The following KIAA0040 variants were observed in gnomAD, a reference collection of about 807,000 sequenced individuals.
KIAA0040 encodes KIAA0040, also known as uncharacterized protein KIAA0040.
Under a neutral mutation model 7.2 loss-of-function variants are expected in KIAA0040, and 10 were observed. The ratio of observed to expected loss-of-function variants is 1.38; its 90% CI spans 0.85 to 2.34. The LOEUF (loss-of-function observed/expected upper bound fraction) is 2.34. Ranked by LOEUF, KIAA0040 falls within the 30% of genes most tolerant of loss-of-function variation. The probability of loss-of-function intolerance (pLI) is 0.00; values close to 1 mark genes in which losing one functional copy is unlikely to be tolerated. For synonymous variants in KIAA0040, 49 were observed against 40.1 expected, an observed-to-expected ratio of 1.22 and a Z score of -0.84; for missense variants, 89 against 108.2, an observed-to-expected ratio of 0.82 and a Z score of 0.79.
chr1:175,171,638 T>C (rs969772245), intron 2 of KIAA0040, among the ~76,000 whole-genome samples: 5 of 152,126 alleles, frequency 3.3e-5, no homozygotes, highest in African/African-American at 4.8e-5. Flanking sequence ...GGAGAAATAA[T>C]GATCAAGAAA....
At chr1:175,177,302 A>G (rs1472191394) in intron 2 of KIAA0040, among the ~76,000 whole-genome samples, 2 of 152,236 alleles carry the variant, frequency 1.3e-5, no homozygotes, top group African/African-American at 4.8e-5. Context: ...GAATGCTTTG[A>G]TAGAGCAAGA....
rs1196694927 is a variant in KIAA0040 at position 175,157,431 on chromosome 1, ATTTG to A, written c.*3279_*3282del. ...GGCGGTGACCAGGGAGGGCTGGGAC[ATTTG>A]TGTCACAGAAAGAGTCCCTGCATTG... On this transcript the variant is annotated 3_prime_UTR_variant, in exon 4 of 4. Coordinates refer to ENST00000423313, the MANE Select transcript of KIAA0040 (RefSeq NM_014656.3). 1 of 152,204 alleles carries A rather than the reference ATTTG, an allele frequency of 6.6e-6. No individual in the cohort carries two copies. The highest frequency in any genetic ancestry group is 1.5e-5 in the Non-Finnish European group (1 of 68,054). 9.4% of individuals were successfully genotyped at this position (152,204 alleles called of 1,614,324 possible).
rs575566404 is a variant in KIAA0040 at position 175,182,190 on chromosome 1, G to T, written c.-383-4506C>A. Among the ~76,000 whole-genome samples, 10 of 152,332 alleles carry T rather than the reference G, an allele frequency of 6.6e-5. No individual in the cohort carries two copies. The East Asian group carries it at 1.7e-3, about 26-fold the overall frequency. The stretch of plus-strand genomic sequence containing the variant: ...CATATTGGGCTTAAGGACATTGGGG[G>T]CTACAATTTCAAATTGTTTTCACAT... On this transcript the variant is annotated intron_variant, in intron 1 of 3. Transcript: ENST00000423313.
chr1:175,166,064 T>G (rs1268324977), intron 3 of KIAA0040, among the ~76,000 whole-genome samples: 1 of 152,090 alleles, frequency 6.6e-6, no homozygotes. Context: ...TCACCACCCT[T>G]CTTGTAGGGG....
chr1:175,177,161 C>T (rs1363978359), intron 2 of KIAA0040, among the ~76,000 whole-genome samples: 3 of 152,224 alleles, frequency 2.0e-5, no homozygotes, highest in Non-Finnish European at 4.4e-5. Flanking sequence ...CATGATGTGG[C>T]CTCAGGGCTG....
intron 1 of KIAA0040, among the ~76,000 whole-genome samples, chr1:175,185,669 C>G (rs1480622028): frequency 6.6e-6 from 1 of 152,158 alleles, no homozygotes; most frequent in African/African-American, 2.4e-5. Flanking sequence ...GGTAGAATTA[C>G]CATATGATCC....
At chr1:175,176,862 G>T (rs376826624) in intron 2 of KIAA0040, among the ~76,000 whole-genome samples, 1 of 151,880 alleles carries the variant, frequency 6.6e-6, no homozygotes, top group African/African-American at 2.4e-5. Flanking sequence ...TCCTTGAAAT[G>T]CCCTTCCCAA....
rs1012150519 is a variant in KIAA0040, at chr1:175,159,474, A to G, written c.*1240T>C. 6.6e-6 allele frequency: 1 copy of G among 152,286 alleles called. No individual in the cohort carries two copies. Among genetic ancestry groups the G allele is most frequent in the Non-Finnish European group, 1.5e-5 (1 of 68,042 alleles). 9.4% of individuals were successfully genotyped at this position (152,286 alleles called of 1,614,324 possible). A position where few individuals can be genotyped will look rare whatever the true frequency, so the allele number is the denominator to read the frequency against. On this transcript the variant is annotated 3_prime_UTR_variant, in exon 4 of 4. Coordinates refer to ENST00000423313, the MANE Select transcript of KIAA0040 (RefSeq NM_014656.3). ...CCAACAGTAACCACAGTTAGTTATAAGTACCTACTGTGTGCAAGGCACTTG... is the reference window on the plus strand; with the variant it reads ...CCAACAGTAACCACAGTTAGTTATAGGTACCTACTGTGTGCAAGGCACTTG...
At chr1:175,168,903 C>T (rs1252158557) in intron 2 of KIAA0040, among the ~76,000 whole-genome samples, 2 of 152,190 alleles carry the variant, frequency 1.3e-5, no homozygotes, top group African/African-American at 2.4e-5. Context: ...AATCTTCTCC[C>T]GGGCCCTCCC....
chr1:175,168,444 A>G (rs1676859393), intron 2 of KIAA0040, among the ~76,000 whole-genome samples: 1 of 152,224 alleles, frequency 6.6e-6, no homozygotes, highest in African/African-American at 2.4e-5. Flanking sequence ...AAAGGAAAAT[A>G]GATAGTATTT....
Position 175,159,317 on chromosome 1 carries a change from C to T in KIAA0040, c.*1397G>A, listed in dbSNP as rs575225564. 1 of 152,376 alleles carries T rather than the reference C, an allele frequency of 6.6e-6. No homozygotes were observed. Among genetic ancestry groups the T allele is most frequent in the Admixed American group, 6.5e-5 (1 of 15,310 alleles). 9.4% of individuals were successfully genotyped at this position (152,376 alleles called of 1,614,324 possible). On this transcript the variant is annotated 3_prime_UTR_variant, in exon 4 of 4. Coordinates refer to ENST00000423313, the MANE Select transcript of KIAA0040 (RefSeq NM_014656.3). ...CACATACCTCAAGGCACATGTGTCA[C>T]CTACATGTGCTCTCCAGCATTAAAC...
chr1:175,183,938 G>A (rs1274167302), intron 1 of KIAA0040, among the ~76,000 whole-genome samples: 1 of 152,174 alleles, frequency 6.6e-6, no homozygotes, highest in Non-Finnish European at 1.5e-5. Flanking sequence ...ACACATAGAA[G>A]AGCTTGAGAA....
At chr1:175,171,451 T>C (rs766126132) in intron 2 of KIAA0040, among the ~76,000 whole-genome samples, 1 of 152,118 alleles carries the variant, frequency 6.6e-6, no homozygotes. Context: ...TCTAAAAAAA[T>C]GAGATCTTGA....
chr1:175,162,352 C>T (rs1676578562), intron 3 of KIAA0040, among the ~76,000 whole-genome samples: 1 of 152,092 alleles, frequency 6.6e-6, no homozygotes, highest in Admixed American at 6.5e-5. Context: ...GGGTCCAGAG[C>T]AGTGAGGTGA....
intron 2 of KIAA0040, among the ~76,000 whole-genome samples, chr1:175,169,298 G>A (rs1232894108): frequency 6.6e-6 from 1 of 152,204 alleles, no homozygotes; most frequent in Admixed American, 6.5e-5. Context: ...GTGCTTTTGA[G>A]CAGTGGTTCG....
At chr1:175,176,118 A>T (rs1186990361) in intron 2 of KIAA0040, among the ~76,000 whole-genome samples, 1 of 152,256 alleles carries the variant, frequency 6.6e-6, no homozygotes, top group Non-Finnish European at 1.5e-5. Context: ...GCAATAACAG[A>T]ATGACTGACA....
At chr1:175,170,183 G>A (rs917377274) in intron 2 of KIAA0040, among the ~76,000 whole-genome samples, 9 of 152,152 alleles carry the variant, frequency 5.9e-5, no homozygotes, top group African/African-American at 1.4e-4. Flanking sequence ...GTGGGAAAGC[G>A]CATGGCACAT....
At chr1:175,181,549 C>A (rs1213171729) in intron 1 of KIAA0040, among the ~76,000 whole-genome samples, 3 of 152,180 alleles carry the variant, frequency 2.0e-5, no homozygotes, top group Non-Finnish European at 1.5e-5. Flanking sequence ...GTAAGGAAAT[C>A]AAAATTGAAC....
intron 1 of KIAA0040, among the ~76,000 whole-genome samples, chr1:175,181,852 C>A (rs1677451188): frequency 6.6e-6 from 1 of 152,166 alleles, no homozygotes; most frequent in Admixed American, 6.5e-5. Context: ...CTCAAGAAAC[C>A]CAGCTGGCTC....
Sources: gnomAD v4.1 joint callset for allele counts (sites outside exome capture counted in the v4.1 genomes callset) on GRCh38, gnomAD v4.1.1 for gene constraint, MANE v1.5 for transcripts, NCBI Gene and HGNC (gene_info 2026-07-23, HGNC 2026-07-21) for gene names.